The following COL6A5 variants were observed in gnomAD, a reference collection of about 807,000 sequenced individuals.
COL6A5 encodes collagen alpha-5(VI) chain.
In COL6A5, 48 loss-of-function variants were observed where a neutral mutation model predicts 65.6. The observed-to-expected ratio is 0.73, with a 90% confidence interval of 0.58 to 0.93. The LOEUF is 0.93. COL6A5 is among the 40% of genes least tolerant of loss of function. The pLI, the probability that COL6A5 is intolerant of heterozygous loss-of-function variation, is 0.00. For missense variants in COL6A5, 914 were observed against 928.3 expected, an observed-to-expected ratio of 0.98 and a Z score of 0.20; for synonymous variants, 291 against 322.8, an observed-to-expected ratio of 0.90 and a Z score of 1.05.
chr3:130,401,416 T>G (rs1190692045), intron 11 of COL6A5, among the ~76,000 whole-genome samples: 2 of 152,182 alleles, frequency 1.3e-5, no homozygotes, highest in African/African-American at 4.8e-5. Flanking sequence ...CATAATTGAA[T>G]TAAAAAGCCC....
intron 1 of COL6A5, among the ~76,000 whole-genome samples, chr3:130,371,896 C>T (rs1935578047): frequency 6.6e-6 from 1 of 152,102 alleles, no homozygotes; most frequent in Non-Finnish European, 1.5e-5. Context: ...ATACAACACA[C>T]AGAATGGCAG....
At chr3:130,416,938 T>C (rs1051084357) in intron 24 of COL6A5, 119 bp downstream of exon 24, 1 of 647,748 alleles carries the variant, frequency 1.5e-6, no homozygotes, top group African/African-American at 1.9e-5. Flanking sequence ...AAATTCTACT[T>C]TAAGTTCTGG....
chr3:130,356,435 C>A (rs561534411), intron 1 of COL6A5, among the ~76,000 whole-genome samples: 27 of 152,196 alleles, frequency 1.8e-4, no homozygotes, highest in African/African-American at 6.5e-4. Context: ...AATATTGTTT[C>A]TTTTCTAGCA....
chr3:130,437,169 GTGTT>G (rs1339645836), intron 1 of COL6A5, among the ~76,000 whole-genome samples: 2 of 151,846 alleles, frequency 1.3e-5, no homozygotes, highest in Non-Finnish European at 2.9e-5. Flanking sequence ...GTATATATGT[GTGTT>G]TGTGTGTGTT....
chr3:130,445,936 A>G (rs571335540), intron 4 of COL6A5, among the ~76,000 whole-genome samples: 1 of 152,194 alleles, frequency 6.6e-6, no homozygotes, highest in South Asian at 2.1e-4. Flanking sequence ...GGGCCCTCAA[A>G]ATTTTTAGGG....
At chr3:130,429,608 C>T, upstream of COL6A5, 2 of 1,541,542 alleles carry the variant, frequency 1.3e-6, no homozygotes, top group Non-Finnish European at 1.8e-6. Flanking sequence ...CCATGCTGTT[C>T]CCTGCTGAGA....
In COL6A5 at chr3:130,480,589, A is replaced by G. The variant is rs114890437; in HGVS notation, c.2329-3446A>G. Reference sequence around the variant, plus strand: ...ACTCTGTTGGATAAGTTAAGAGAGAAATGTTAAGGTTTTATTTTTAAATGT... The same window carrying G: ...ACTCTGTTGGATAAGTTAAGAGAGAGATGTTAAGGTTTTATTTTTAAATGT... On this transcript the variant is annotated intron_variant, in intron 7 of 7. Transcript: ENST00000512836. Among the ~76,000 whole-genome samples the G allele has an allele frequency of 2.3e-3, 345 of 152,212 alleles. 1 individual carries two copies. The highest frequency in any genetic ancestry group is 7.8e-3 in the African/African-American group (322 of 41,548).
exon 1 of COL6A5, chr3:130,345,911 G>T: frequency 2.5e-6 from 1 of 398,712 alleles, no homozygotes; most frequent in East Asian, 3.6e-5. Flanking sequence ...CAGGAGCTCG[G>T]TGCAGCCTCT....
chr3:130,471,700 T>C (rs755315675), intron 7 of COL6A5: 199 of 1,534,674 alleles, frequency 1.3e-4, no homozygotes, highest in Non-Finnish European at 2.8e-5. Context: ...CTGGGATATA[T>C]GAAATAAAGA....
chr3:130,365,450 TG>T (rs1935300375), intron 1 of COL6A5, among the ~76,000 whole-genome samples: 1 of 152,122 alleles, frequency 6.6e-6, no homozygotes, highest in South Asian at 2.1e-4. Context: ...GCTAATTTTT[TG>T]TATTTTTAGT....
chr3:130,398,128 GTTTT>G lies in COL6A5; in HGVS notation c.3991+34_3991+37del, dbSNP rs35177024. The G allele has an allele frequency of 1.6e-3, 1,443 of 903,270 alleles. No homozygotes were observed. Among genetic ancestry groups the G allele is most frequent in the Middle Eastern group, 3.2e-3 (9 of 2,846 alleles). The allele number at this position is 903,270 out of a possible 1,614,324, so 56.0% of individuals were successfully genotyped here. On this transcript the variant is annotated intron_variant and NMD_transcript_variant, in intron 10 of 41. Coordinates refer to the COL6A5 transcript ENST00000312481. ...GAGAAGCAGGTATTGAGTTGTTGTT[GTTTT>G]TTTTTTTTTTTTTTTTGAGATGGAG...
At chr3:130,354,791 T>G (rs1934862610) in intron 1 of COL6A5, among the ~76,000 whole-genome samples, 1 of 152,142 alleles carries the variant, frequency 6.6e-6, no homozygotes, top group African/African-American at 2.4e-5. Flanking sequence ...TGAATAATAT[T>G]GTAATTTCCT....
chr3:130,483,936 G>A lies in COL6A5; in HGVS notation c.2329-99G>A, dbSNP rs1710314615. 4.9e-6 allele frequency: 5 copies of A among 1,023,656 alleles called. No individual in the cohort carries two copies. In the East Asian group the frequency reaches 1.3e-4, roughly 26 times the overall value. 63.4% of individuals were successfully genotyped at this position (1,023,656 alleles called of 1,614,324 possible). The stretch of plus-strand genomic sequence containing the variant: ...CCATTGAAAATGACAAAAATATTGT[G>A]TTTGTTTTATATGTGGCATATAAAG... On this transcript the variant is annotated intron_variant, in intron 7 of 7. Transcript: ENST00000512836.
intron 13 of COL6A5, among the ~76,000 whole-genome samples, chr3:130,404,581 A>G (rs1452550146): frequency 6.6e-6 from 1 of 152,210 alleles, no homozygotes; most frequent in Non-Finnish European, 1.5e-5. Flanking sequence ...GTACCCTCCA[A>G]ACTAGCATGG....
At chr3:130,354,578 A>G (rs1195977277) in intron 1 of COL6A5, among the ~76,000 whole-genome samples, 1 of 151,830 alleles carries the variant, frequency 6.6e-6, no homozygotes, top group Non-Finnish European at 1.5e-5. Flanking sequence ...TAAGATGCCC[A>G]GTTAATTCAT....
intron 13 of COL6A5, 60 bp from the exon 14 acceptor site, chr3:130,405,528 C>A: frequency 8.0e-7 from 1 of 1,243,224 alleles, no homozygotes; most frequent in South Asian, 1.3e-5. Context: ...TGAAAATAAA[C>A]CACTGGCAGC....
intron 5 of COL6A5, among the ~76,000 whole-genome samples, chr3:130,457,537 GA>G (rs1559914049): frequency 6.6e-6 from 1 of 152,080 alleles, no homozygotes; most frequent in Admixed American, 6.6e-5. Flanking sequence ...CTCTAGCAGG[GA>G]AAAAAATGTA....
chr3:130,432,598 A>T (rs533232501), intron 1 of COL6A5, among the ~76,000 whole-genome samples: 1 of 151,836 alleles, frequency 6.6e-6, no homozygotes, highest in Admixed American at 6.6e-5. Flanking sequence ...TAGTGACTTA[A>T]CTATATACCA....
intron 13 of COL6A5, among the ~76,000 whole-genome samples, chr3:130,404,126 A>G (rs1936909086): frequency 6.6e-6 from 1 of 152,206 alleles, no homozygotes; most frequent in African/African-American, 2.4e-5. Flanking sequence ...CCTTCCATGG[A>G]AAGGGAAGTC....
Sources: gnomAD v4.1 joint callset for allele counts (sites outside exome capture counted in the v4.1 genomes callset) on GRCh38, gnomAD v4.1.1 for gene constraint, MANE v1.5 for transcripts, NCBI Gene and HGNC (gene_info 2026-07-23, HGNC 2026-07-21) for gene names.